NFIB: variants seen among roughly 807,000 people sequenced by gnomAD.
NFIB encodes the protein nuclear factor 1 B-type.
NFIB carries 11 observed loss-of-function variants against 61.5 expected under a neutral mutation model. The observed-to-expected ratio is 0.18, with a 90% CI of 0.11 to 0.30. The LOEUF (loss-of-function observed/expected upper bound fraction) is 0.30. Among genes scored for constraint, NFIB ranks in the 10% least tolerant of loss-of-function variants. The probability of loss-of-function intolerance (pLI) is 1.00; values close to 1 mark genes in which losing one functional copy is unlikely to be tolerated. For missense variants in NFIB, 471 were observed against 608.9 expected (o/e 0.77, Z 2.38); for synonymous variants, 260 against 216.5 (o/e 1.20, Z -1.76).
Position 14,155,883 on chromosome 9 carries a change from C to A in NFIB, c.627G>T (p.Glu209Asp). The A allele has an allele frequency of 6.4e-7, 1 of 1,570,594 alleles. No homozygotes were observed. The highest frequency in any genetic ancestry group is 8.7e-7 in the Non-Finnish European group (1 of 1,152,224). The stretch of plus-strand genomic sequence containing the variant: ...AGACTCCAGATTTTACAAAACTATC[C>A]TCAAGGTAACCTGAAAATAAATATT... ...DPAKNPPGYL[E>D]DSFVKSGVFN... The change falls in exon 4 of 11, where the codon GAG becomes GAT. Residue 209 changes from glutamate (E) to aspartate (D), a missense_variant. By Grantham distance (45) the Glu-to-Asp change is conservative (BLOSUM62 2). Coordinates refer to ENST00000380953, the MANE Select transcript of NFIB (RefSeq NM_001190737.2).
At chr9:14,413,938 T>C in the NFIB span, among the ~76,000 whole-genome samples, 1 of 152,088 alleles carries the variant, frequency 6.6e-6, no homozygotes, top group South Asian at 2.1e-4. Context: ...CCAAAATGAG[T>C]GTTCCTGTGG....
intron 2 of NFIB, among the ~76,000 whole-genome samples, chr9:14,187,065 G>GTGTGTGTGTGTA (rs1554666429): frequency 1.8e-4 from 23 of 130,930 alleles, no homozygotes; most frequent in South Asian, 7.3e-4. Context: ...GTGTGTGTGT[G>GTGTGTGTGTGTA]TGTGTGTGCC....
chr9:14,244,694 C>T (rs1587884899), intron 2 of NFIB, among the ~76,000 whole-genome samples: 1 of 152,222 alleles, frequency 6.6e-6, no homozygotes, highest in African/African-American at 2.4e-5. Context: ...ATTTGTATAT[C>T]TATTTAAACA....
At chr9:14,283,405 A>T (rs1210323613) in intron 2 of NFIB, among the ~76,000 whole-genome samples, 2 of 152,234 alleles carry the variant, frequency 1.3e-5, no homozygotes, top group Non-Finnish European at 2.9e-5. Context: ...GTCTGTATCC[A>T]CTTTATCTTG....
At chr9:14,393,683 G>A (rs1488965920) in intron 1 of NFIB, among the ~76,000 whole-genome samples, 2 of 152,154 alleles carry the variant, frequency 1.3e-5, no homozygotes, top group African/African-American at 4.8e-5. Context: ...CCTACCAGGA[G>A]GATTTATCTC....
intron 1 of NFIB, among the ~76,000 whole-genome samples, chr9:14,397,102 T>C (rs2061694712): frequency 6.6e-6 from 1 of 152,214 alleles, no homozygotes. Flanking sequence ...TCTCTCTCTC[T>C]CTTTCTTTCT....
intron 2 of NFIB, among the ~76,000 whole-genome samples, chr9:14,247,692 G>C (rs2055090044): frequency 1.3e-5 from 2 of 152,288 alleles, no homozygotes; most frequent in African/African-American, 4.8e-5. Flanking sequence ...TTACCTTGTA[G>C]GGTCACTGTG....
At chr9:14,271,544 G>A (rs1588053436) in intron 2 of NFIB, among the ~76,000 whole-genome samples, 1 of 151,950 alleles carries the variant, frequency 6.6e-6, no homozygotes, top group South Asian at 2.1e-4. Context: ...CATGTATTAG[G>A]ACCGGGAAAA....
At chr9:14,179,654 G>T in intron 3 of NFIB, 73 bp downstream of exon 3, 2 of 1,510,076 alleles carry the variant, frequency 1.3e-6, no homozygotes, top group Middle Eastern at 1.7e-4. Context: ...CAATTATGGG[G>T]TGTTTATCTA....
intron 10 of NFIB, among the ~76,000 whole-genome samples, chr9:14,108,472 G>A (rs1355485219): frequency 6.6e-6 from 1 of 152,068 alleles, no homozygotes; most frequent in Non-Finnish European, 1.5e-5. Context: ...TCAGTGTAAT[G>A]AGAAGTACTT....
chr9:14,405,077 T>C, the NFIB span, among the ~76,000 whole-genome samples: 1 of 152,216 alleles, frequency 6.6e-6, no homozygotes, highest in African/African-American at 2.4e-5. Context: ...TAGTTTGTGG[T>C]TGATAGAAAT....
chr9:14,312,288 T>A (rs908374949), intron 1 of NFIB, among the ~76,000 whole-genome samples: 10 of 152,248 alleles, frequency 6.6e-5, no homozygotes, highest in Admixed American at 6.5e-4. Context: ...ATCTTAATTA[T>A]TTGTCCATTA....
intron 2 of NFIB, among the ~76,000 whole-genome samples, chr9:14,183,461 T>C (rs967323127): frequency 2.6e-5 from 4 of 151,748 alleles, no homozygotes; most frequent in Non-Finnish European, 4.4e-5. Flanking sequence ...TAGAGTGCAG[T>C]AGCACTATCA....
chr9:14,246,038 C>T (rs191803510), intron 2 of NFIB, among the ~76,000 whole-genome samples: 107 of 151,524 alleles, frequency 7.1e-4, no homozygotes, highest in African/African-American at 9.9e-4. Flanking sequence ...CAAATGTGTG[C>T]AATGAACAGG....
chr9:14,237,881 GTGTGTGTGTA>G (rs2053948486), intron 2 of NFIB, among the ~76,000 whole-genome samples: 2 of 143,168 alleles, frequency 1.4e-5, no homozygotes, highest in Admixed American at 6.9e-5. Flanking sequence ...GTGTGTGTGT[GTGTGTGTGTA>G]TTCTACCATA....
the NFIB span, among the ~76,000 whole-genome samples, chr9:14,525,685 T>C: frequency 2.0e-5 from 3 of 152,148 alleles, no homozygotes; most frequent in East Asian, 3.9e-4. Context: ...GGAGTCTCTG[T>C]TTTTAAGAAA....
chr9:14,278,155 T>C (rs996315368), intron 2 of NFIB, among the ~76,000 whole-genome samples: 2 of 152,204 alleles, frequency 1.3e-5, no homozygotes, highest in Non-Finnish European at 1.5e-5. Flanking sequence ...ATCAATGCAG[T>C]AATCATTATA....
intron 1 of NFIB, among the ~76,000 whole-genome samples, chr9:14,358,994 GA>G (rs2061208188): frequency 6.6e-6 from 1 of 152,182 alleles, no homozygotes; most frequent in African/African-American, 2.4e-5. Context: ...TCTGGTAGTA[GA>G]AACACCGGAT....
chr9:14,349,919 G>A (rs765079517), intron 1 of NFIB, among the ~76,000 whole-genome samples: 6 of 152,106 alleles, frequency 3.9e-5, no homozygotes, highest in Non-Finnish European at 7.4e-5. Context: ...CCCATTACCG[G>A]TCCACAGTGG....
Sources: allele counts gnomAD v4.1 joint callset (sites outside exome capture counted in the v4.1 genomes callset), GRCh38; gene constraint gnomAD v4.1.1; transcripts MANE v1.5; gene names NCBI Gene and HGNC (gene_info 2026-07-23, HGNC 2026-07-21).